The following FRMPD4 variants were observed in gnomAD, a reference collection of about 807,000 sequenced individuals.
FRMPD4 encodes the protein FERM and PDZ domain-containing protein 4.
In FRMPD4, 22 loss-of-function variants were observed where a neutral mutation model predicts 94.1. That is an observed-to-expected ratio of 0.23 (90% CI 0.17 to 0.33). FRMPD4 has a LOEUF of 0.33. Among genes scored for constraint, FRMPD4 ranks in the 10% least tolerant of loss-of-function variants. The pLI is 1.00. For synonymous variants in FRMPD4, 631 were observed against 548.6 expected, an observed-to-expected ratio of 1.15 and a Z score of -2.10; for missense variants, 1,111 against 1,339.9, an observed-to-expected ratio of 0.83 and a Z score of 2.67.
chrX:11,860,284 A>T (rs2053678742), intron 1 of FRMPD4, among the ~76,000 whole-genome samples: 1 of 111,970 alleles, frequency 8.9e-6, no homozygotes, highest in Non-Finnish European at 1.9e-5. Flanking sequence ...CAGGCTAATC[A>T]CCTTTTTGAT....
At chrX:11,989,155 G>A (rs2054450039) in intron 3 of FRMPD4, among the ~76,000 whole-genome samples, 1 of 111,888 alleles carries the variant, frequency 8.9e-6, no homozygotes, top group Admixed American at 9.5e-5. Context: ...TAAGAAGTCA[G>A]TATATCAAAG....
chrX:12,158,937 C>T (rs907101133), intron 1 of FRMPD4, among the ~76,000 whole-genome samples: 2 of 112,142 alleles, frequency 1.8e-5, no homozygotes, highest in South Asian at 3.7e-4. Context: ...CTACATTTGG[C>T]AGAGAAGCTG....
intron 1 of FRMPD4, among the ~76,000 whole-genome samples, chrX:12,481,600 G>A (rs912959721): frequency 1.8e-5 from 2 of 110,290 alleles, no homozygotes; most frequent in African/African-American, 3.3e-5. Flanking sequence ...TCTGTTTCAT[G>A]TATTATATAC....
At chrX:12,153,343 C>A (rs1236144925) in intron 1 of FRMPD4, among the ~76,000 whole-genome samples, 2 of 112,236 alleles carry the variant, frequency 1.8e-5, no homozygotes, top group South Asian at 3.7e-4. Context: ...TTTTAGAGAA[C>A]CACATTCCAG....
intron 2 of FRMPD4, among the ~76,000 whole-genome samples, chrX:12,600,326 G>A (rs2059073904): frequency 9.0e-6 from 1 of 111,527 alleles, no homozygotes; most frequent in Non-Finnish European, 1.9e-5. Flanking sequence ...GGAAGATATT[G>A]CCTTTTTATT....
chrX:12,478,300 C>T (rs933238414), intron 1 of FRMPD4, among the ~76,000 whole-genome samples: 2 of 111,525 alleles, frequency 1.8e-5, no homozygotes, highest in African/African-American at 6.5e-5. Context: ...GTAGGCCGGG[C>T]GTGGTGGCTC....
At chrX:12,355,563 A>G (rs2055883046) in intron 1 of FRMPD4, among the ~76,000 whole-genome samples, 2 of 112,174 alleles carry the variant, frequency 1.8e-5, no homozygotes, top group Non-Finnish European at 3.8e-5. Flanking sequence ...AAAGTGTAGT[A>G]AATGACAAAT....
chrX:12,569,245 GACA>G (rs199740625), intron 2 of FRMPD4, among the ~76,000 whole-genome samples: 2,079 of 111,745 alleles, frequency 0.019, 44 homozygotes, highest in African/African-American at 0.063. Context: ...AGCAGACGAA[GACA>G]ACATCTAATT....
At chrX:12,284,988 C>T (rs952195194) in intron 1 of FRMPD4, among the ~76,000 whole-genome samples, 1 of 112,022 alleles carries the variant, frequency 8.9e-6, no homozygotes, top group Non-Finnish European at 1.9e-5. Flanking sequence ...ACATACTTGG[C>T]ATAGAATAAG....
At chrX:12,532,078 G>A (rs1163115397) in intron 2 of FRMPD4, among the ~76,000 whole-genome samples, 7 of 111,817 alleles carry the variant, frequency 6.3e-5, no homozygotes, top group Admixed American at 5.7e-4. Context: ...GGTCAACAAT[G>A]TATGTGAGAA....
At chrX:12,397,792 T>C (rs998917089) in intron 1 of FRMPD4, among the ~76,000 whole-genome samples, 2 of 111,358 alleles carry the variant, frequency 1.8e-5, no homozygotes, top group African/African-American at 6.5e-5. Context: ...GCAAGCCCTA[T>C]CTAAATGGCT....
At chrX:11,892,110 T>C (rs1181290119) in intron 3 of FRMPD4, among the ~76,000 whole-genome samples, 1 of 112,298 alleles carries the variant, frequency 8.9e-6, no homozygotes, top group African/African-American at 3.2e-5. Flanking sequence ...ATATAGTATA[T>C]GTATATAGGT....
At chrX:12,504,391 C>G (rs1214484118) in intron 2 of FRMPD4, among the ~76,000 whole-genome samples, 1 of 112,697 alleles carries the variant, frequency 8.9e-6, no homozygotes, top group African/African-American at 3.2e-5. Flanking sequence ...TGCCTCATGG[C>G]AAGAGCAAAT....
chrX:12,218,172 A>G (rs78138702), intron 1 of FRMPD4, among the ~76,000 whole-genome samples: 1 of 112,448 alleles, frequency 8.9e-6, no homozygotes, highest in Non-Finnish European at 1.9e-5. Context: ...ACAAGAATTT[A>G]TGAATCTATG....
chrX:12,392,347 A>G (rs1037382245), intron 1 of FRMPD4, among the ~76,000 whole-genome samples: 1 of 99,449 alleles, frequency 1.0e-5, no homozygotes, highest in Non-Finnish European at 2.0e-5. Flanking sequence ...AGTCAATTTT[A>G]TTTAATCTTA....
At chrX:12,487,016 T>G (rs983022259) in intron 1 of FRMPD4, among the ~76,000 whole-genome samples, 3 of 112,512 alleles carry the variant, frequency 2.7e-5, no homozygotes, top group Non-Finnish European at 5.6e-5. Flanking sequence ...ATAATAAATA[T>G]AATTGTTATT....
At chrX:12,570,044 T>C (rs2058747218) in intron 2 of FRMPD4, among the ~76,000 whole-genome samples, 2 of 112,383 alleles carry the variant, frequency 1.8e-5, no homozygotes, top group South Asian at 3.7e-4. Flanking sequence ...GTTTGCCTTA[T>C]ATTCTTCATT....
At chrX:12,529,309 AAAAC>A (rs1355762451) in intron 2 of FRMPD4, among the ~76,000 whole-genome samples, 1 of 112,915 alleles carries the variant, frequency 8.9e-6, no homozygotes, top group Non-Finnish European at 1.9e-5. Context: ...TTACTTCATC[AAAAC>A]AAACAAACTG....
intron 1 of FRMPD4, among the ~76,000 whole-genome samples, chrX:11,843,084 A>G (rs1170227398): frequency 8.9e-6 from 1 of 111,983 alleles, no homozygotes; most frequent in East Asian, 2.8e-4. Flanking sequence ...TTATTCTATT[A>G]TTATGGTGCA....
Sources: allele counts gnomAD v4.1 joint callset (sites outside exome capture counted in the v4.1 genomes callset), GRCh38; gene constraint gnomAD v4.1.1; transcripts MANE v1.5; gene names NCBI Gene and HGNC (gene_info 2026-07-23, HGNC 2026-07-21).